DUSP14: variants seen among roughly 807,000 people sequenced by gnomAD.
DUSP14 encodes the protein dual specificity phosphatase 14, also known as dual specificity protein phosphatase 14.
In DUSP14, 5 loss-of-function variants were observed where a neutral mutation model predicts 13.2. That is an observed-to-expected ratio of 0.38 (90% CI 0.20 to 0.80). The LOEUF is 0.80. DUSP14 is among the 30% of genes least tolerant of loss of function. DUSP14 has a pLI of 0.44. For missense variants in DUSP14, 185 were observed against 264.0 expected, an observed-to-expected ratio of 0.70 and a Z score of 2.07; for synonymous variants, 91 against 103.4, an observed-to-expected ratio of 0.88 and a Z score of 0.73.
At chr17:37,502,674 G>T (rs1201301172) in intron 1 of DUSP14, among the ~76,000 whole-genome samples, 1 of 152,036 alleles carries the variant, frequency 6.6e-6, no homozygotes, top group Non-Finnish European at 1.5e-5. Flanking sequence ...TAGTGGTTGA[G>T]CTTGGGTATC....
intron 1 of DUSP14, 24 bp downstream of exon 1, chr17:37,489,982 G>A (rs1449871432): frequency 2.7e-5 from 4 of 147,614 alleles, no homozygotes; most frequent in Non-Finnish European, 4.5e-5. Flanking sequence ...AGGCCCGGGG[G>A]TGGGGGTTGT....
intron 1 of DUSP14, among the ~76,000 whole-genome samples, chr17:37,495,785 G>A (rs1018642054): frequency 1.3e-5 from 2 of 151,644 alleles, no homozygotes; most frequent in African/African-American, 2.4e-5. Flanking sequence ...TCAGCCTCCC[G>A]AGTAGCTGGG....
intron 1 of DUSP14, among the ~76,000 whole-genome samples, chr17:37,509,128 T>TACACAC (rs869304104): frequency 1.6e-4 from 5 of 31,184 alleles, no homozygotes; most frequent in Middle Eastern, 0.02. Context: ...TATATATATA[T>TACACAC]ACACACACAC....
At chr17:37,509,257 A>G (rs2054163180) in intron 1 of DUSP14, among the ~76,000 whole-genome samples, 5 of 26,472 alleles carry the variant, frequency 1.9e-4, no homozygotes, top group African/African-American at 5.9e-4. Context: ...ATATATATAT[A>G]TATATATATA....
At chr17:37,505,184 C>T (rs896455529) in intron 1 of DUSP14, among the ~76,000 whole-genome samples, 1 of 152,202 alleles carries the variant, frequency 6.6e-6, no homozygotes. Context: ...TAAAGTGATA[C>T]AACCACCTTG....
intron 1 of DUSP14, among the ~76,000 whole-genome samples, chr17:37,505,635 C>CTT (rs35707292): frequency 1.8e-4 from 22 of 120,948 alleles, no homozygotes; most frequent in African/African-American, 5.0e-4. Flanking sequence ...TGGTTGTCAT[C>CTT]TTTTTTTTTT....
intron 2 of DUSP14, among the ~76,000 whole-genome samples, chr17:37,511,925 C>T (rs931222204): frequency 1.8e-5 from 1 of 54,842 alleles, no homozygotes; most frequent in Non-Finnish European, 3.8e-5. Flanking sequence ...CCAGCCACCC[C>T]CCCCCCACCC....
At chr17:37,496,863 C>T (rs774888753) in intron 1 of DUSP14, among the ~76,000 whole-genome samples, 6 of 143,210 alleles carry the variant, frequency 4.2e-5, no homozygotes, top group Non-Finnish European at 7.5e-5. Context: ...TTGCAGTGAG[C>T]AGAGATTGAG....
Position 37,512,929 on chromosome 17 carries a change from C to T in DUSP14, c.*60C>T. On this transcript the variant is annotated 3_prime_UTR_variant, in exon 3 of 3. Coordinates refer to ENST00000617516, the MANE Select transcript of DUSP14 (RefSeq NM_007026.4). This position sits in a 1 kb window ranked among gnomAD's most constrained non-coding sequence, Gnocchi z 4.8. ...GCCGGCATCTGCTCCCCGCCGTCTG[C>T]TCCCTCTCCACTCTCTTCTCAAATG... 7.2e-7 allele frequency: 1 copy of T among 1,393,034 alleles called. No individual in the cohort carries two copies. Among genetic ancestry groups the T allele is most frequent in the South Asian group, 1.3e-5 (1 of 76,656 alleles). The allele number at this position is 1,393,034 out of a possible 1,614,324, so 86.3% of individuals were successfully genotyped here.
At chr17:37,503,772 G>A (rs1370024901) in intron 1 of DUSP14, among the ~76,000 whole-genome samples, 1 of 152,072 alleles carries the variant, frequency 6.6e-6, no homozygotes, top group East Asian at 1.9e-4. Context: ...AATTGATCAC[G>A]TGGAACTGAA....
intron 1 of DUSP14, among the ~76,000 whole-genome samples, chr17:37,506,034 A>C (rs2143102694): frequency 6.6e-6 from 1 of 152,218 alleles, no homozygotes; most frequent in South Asian, 2.1e-4. Context: ...AGGCTAAGGC[A>C]GGTGGATCAC....
chr17:37,509,159 ACACACACACT>A (rs1555697304), intron 1 of DUSP14, among the ~76,000 whole-genome samples: 4 of 79,574 alleles, frequency 5.0e-5, no homozygotes, highest in Admixed American at 1.8e-4. Flanking sequence ...ACACACACAC[ACACACACACT>A]CTATATATAT....
At chr17:37,489,236 A>C (rs853198), upstream of DUSP14, among the ~76,000 whole-genome samples, 110,492 of 152,018 alleles carry the variant, frequency 0.73, 40,801 homozygotes, top group East Asian at 0.97. Flanking sequence ...GGGACTCGGG[A>C]GGTGGGTGTG....
At chr17:37,511,287 G>A (rs1472117164) in intron 2 of DUSP14, among the ~76,000 whole-genome samples, 3 of 151,958 alleles carry the variant, frequency 2.0e-5, no homozygotes, top group East Asian at 1.9e-4. Context: ...TTTTGGTTTG[G>A]GTTTTTGTTT....
chr17:37,513,091 T>C lies in DUSP14; in HGVS notation c.*222T>C. The C allele has an allele frequency of 1.8e-6, 1 of 546,282 alleles. No homozygotes were observed. The highest frequency in any genetic ancestry group is 3.3e-6 in the Non-Finnish European group (1 of 302,858). 33.8% of individuals were successfully genotyped at this position (546,282 alleles called of 1,614,324 possible). A position where few individuals can be genotyped will look rare whatever the true frequency, so the allele number is the denominator to read the frequency against. ...TTAAAATTAACATTTTGGAATAGTG[T>C]TTATGGAAATCTTTAGCTTTTAATC... On this transcript the variant is annotated 3_prime_UTR_variant, in exon 3 of 3. Transcript: ENST00000617516.
intron 2 of DUSP14, among the ~76,000 whole-genome samples, chr17:37,511,073 G>A (rs570500468): frequency 2.6e-5 from 4 of 152,130 alleles, no homozygotes; most frequent in African/African-American, 7.2e-5. Flanking sequence ...GGATAGTGAC[G>A]TTCAGACGTT....
intron 1 of DUSP14, among the ~76,000 whole-genome samples, chr17:37,509,087 CAAA>C (rs71135734): frequency 2.6e-4 from 8 of 31,236 alleles, no homozygotes; most frequent in African/African-American, 1.1e-3. Context: ...GAAGCCAGAC[CAAA>C]AAAAAAAAAA....
intron 1 of DUSP14, among the ~76,000 whole-genome samples, chr17:37,492,299 AG>A (rs1213614778): frequency 2.6e-5 from 4 of 152,242 alleles, no homozygotes; most frequent in African/African-American, 9.6e-5. Context: ...GAAACGTCAA[AG>A]GGAGTGGAAG....
At chr17:37,511,937 A>AGTTTTTTTTTTTTTTTTTTT (rs1329764853) in intron 2 of DUSP14, among the ~76,000 whole-genome samples, 295 of 16,406 alleles carry the variant, frequency 0.018, 41 homozygotes, top group Non-Finnish European at 0.021. Context: ...CCCCCACCCC[A>AGTTTTTTTTTTTTTTTTTTT]CTTTTTTTTT....
Sources: allele counts gnomAD v4.1 joint callset (sites outside exome capture counted in the v4.1 genomes callset), GRCh38; gene constraint gnomAD v4.1.1; non-coding constraint Gnocchi (gnomAD v3.1); transcripts MANE v1.5; gene names NCBI Gene and HGNC (gene_info 2026-07-23, HGNC 2026-07-21).